The following ZBTB7C variants were observed in gnomAD, a reference collection of about 807,000 sequenced individuals.
The protein encoded by ZBTB7C is zinc finger and BTB domain-containing protein 7C.
In ZBTB7C, 8 loss-of-function variants were observed where a neutral mutation model predicts 25.7. The ratio of observed to expected loss-of-function variants is 0.31; its 90% CI spans 0.18 to 0.56. The LOEUF is 0.56. ZBTB7C is among the 20% of genes least tolerant of loss of function. ZBTB7C has a pLI of 0.91. For missense variants in ZBTB7C, 824 were observed against 855.2 expected, an observed-to-expected ratio of 0.96 and a Z score of 0.46; for synonymous variants, 394 against 369.0, an observed-to-expected ratio of 1.07 and a Z score of -0.78.
chr18:48,159,270 G>A (rs929149584), intron 3 of ZBTB7C, among the ~76,000 whole-genome samples: 27 of 151,988 alleles, frequency 1.8e-4, no homozygotes, highest in Admixed American at 5.9e-4. Context: ...GCTCTAGTGT[G>A]AATCCCGGTG....
intron 1 of ZBTB7C, among the ~76,000 whole-genome samples, chr18:48,369,552 AG>A (rs1467196036): frequency 6.6e-6 from 1 of 152,158 alleles, no homozygotes; most frequent in Non-Finnish European, 1.5e-5. Context: ...AAAAGGATGA[AG>A]AAAAAGATAT....
At chr18:48,101,405 A>G (rs972713440) in intron 3 of ZBTB7C, among the ~76,000 whole-genome samples, 2 of 152,250 alleles carry the variant, frequency 1.3e-5, no homozygotes, top group Admixed American at 6.5e-5. Context: ...TGTTTAAATC[A>G]GTATTCCAAA....
rs958692081 is a variant in ZBTB7C at position 48,137,156 on chromosome 18, G to A, written c.-17+48778C>T. On this transcript the variant is annotated intron_variant, in intron 3 of 4. Coordinates refer to ENST00000590800, the MANE Select transcript of ZBTB7C (RefSeq NM_001318841.2). ...CATTGATTCGTGCTGGGCGAGTTAA[G>A]CCATTCCAGGAGTGGTTTTGAGAGA... 27 of 985,348 alleles carry A rather than the reference G, an allele frequency of 2.7e-5. No individual in the cohort carries two copies. The African/African-American group carries it at 4.4e-4, about 16-fold the overall frequency. The allele number at this position is 985,348 out of a possible 1,614,324, so 61.0% of individuals were successfully genotyped here. A position where few individuals can be genotyped will look rare whatever the true frequency, so the allele number is the denominator to read the frequency against.
At chr18:48,029,982 T>A (rs2035675885) in intron 4 of ZBTB7C, 71 bp from the exon 5 acceptor site, 2 of 1,593,634 alleles carry the variant, frequency 1.3e-6, no homozygotes, top group South Asian at 1.1e-5. Flanking sequence ...TTGCTCCCCC[T>A]TTCTCCAGAA....
intron 2 of ZBTB7C, among the ~76,000 whole-genome samples, chr18:48,204,051 G>A (rs1283746475): frequency 6.6e-6 from 1 of 152,154 alleles, no homozygotes; most frequent in Non-Finnish European, 1.5e-5. Flanking sequence ...TGCACACCTG[G>A]GAGATGGGGG....
chr18:48,270,316 G>A (rs2044442070), intron 2 of ZBTB7C, among the ~76,000 whole-genome samples: 1 of 137,582 alleles, frequency 7.3e-6, no homozygotes, highest in Admixed American at 7.7e-5. Flanking sequence ...GGAGTGCAGT[G>A]GTGCGATCTC....
chr18:48,317,996 T>C (rs543268746), intron 2 of ZBTB7C, among the ~76,000 whole-genome samples: 22 of 132,426 alleles, frequency 1.7e-4, no homozygotes, highest in African/African-American at 5.7e-4. Flanking sequence ...CCCCTGCCCA[T>C]CTCAGGGGCC....
chr18:48,285,219 T>C (rs1054399692), intron 2 of ZBTB7C, among the ~76,000 whole-genome samples: 5 of 152,244 alleles, frequency 3.3e-5, no homozygotes, highest in Non-Finnish European at 5.9e-5. Flanking sequence ...CCTGTCTGTT[T>C]ACAAAAGGTA....
intron 2 of ZBTB7C, among the ~76,000 whole-genome samples, chr18:48,305,600 G>T (rs1479380069): frequency 1.3e-5 from 2 of 152,200 alleles, no homozygotes; most frequent in Admixed American, 1.3e-4. Context: ...AGTAACATGG[G>T]AAGATGTTAG....
intron 3 of ZBTB7C, chr18:48,150,067 G>T (rs1466241241): frequency 6.6e-6 from 1 of 152,012 alleles, no homozygotes; most frequent in Non-Finnish European, 1.5e-5. Flanking sequence ...GCCTCCCAAA[G>T]TGCTGGGATT....
In ZBTB7C at chr18:48,083,819, C is replaced by A. The variant is rs1195428696; in HGVS notation, c.-16-42696G>T. ...CTTCTGATTATGAGGTTATAAAGGG[C>A]CTTATTTTAGCAACCCATATTAGGA... On this transcript the variant is annotated intron_variant, in intron 3 of 4. Coordinates refer to ENST00000590800, the MANE Select transcript of ZBTB7C (RefSeq NM_001318841.2). 7 of 985,086 alleles carry A rather than the reference C, an allele frequency of 7.1e-6. No homozygotes were observed. The African/African-American group carries it at 1.2e-4, about 17-fold the overall frequency. 61.0% of individuals were successfully genotyped at this position (985,086 alleles called of 1,614,324 possible).
chr18:48,405,085 T>C (rs776833711), intron 1 of ZBTB7C, among the ~76,000 whole-genome samples: 63 of 152,248 alleles, frequency 4.1e-4, no homozygotes, highest in Non-Finnish European at 3.1e-4. Context: ...GCTCAGTGCC[T>C]TGCCAGCTTC....
chr18:48,135,806 A>G (rs1374240484), intron 3 of ZBTB7C, among the ~76,000 whole-genome samples: 2 of 152,230 alleles, frequency 1.3e-5, no homozygotes, highest in East Asian at 3.8e-4. Flanking sequence ...GATTGTTTCA[A>G]TCACTTCCTT....
chr18:48,261,484 G>A (rs1207077522), intron 2 of ZBTB7C, among the ~76,000 whole-genome samples: 2 of 152,148 alleles, frequency 1.3e-5, no homozygotes, highest in East Asian at 1.9e-4. Flanking sequence ...TGGCGCTGCC[G>A]GAACTATGTG....
rs757274783 is a variant in ZBTB7C, at chr18:48,130,519, G to A, written c.-17+55415C>T. On this transcript the variant is annotated intron_variant, in intron 3 of 4. Transcript: ENST00000590800. ...CTGTCTTACCAAGTAACGGCCATTTGTATGACTCTGCTAATCCTCCTCCGA... is the reference window on the plus strand; with the variant it reads ...CTGTCTTACCAAGTAACGGCCATTTATATGACTCTGCTAATCCTCCTCCGA... Among the ~76,000 whole-genome samples the A allele has an allele frequency of 2.0e-5, 3 of 152,118 alleles. No individual in the cohort carries two copies. The East Asian group carries it at 5.8e-4, about 29-fold the overall frequency.
At chr18:48,358,117 G>A (rs1313550680) in intron 1 of ZBTB7C, among the ~76,000 whole-genome samples, 1 of 152,166 alleles carries the variant, frequency 6.6e-6, no homozygotes, top group African/African-American at 2.4e-5. Context: ...TTGGGAGGCC[G>A]AGGCGGGTGG....
chr18:48,342,845 G>C (rs956255511), intron 1 of ZBTB7C, among the ~76,000 whole-genome samples: 8 of 152,140 alleles, frequency 5.3e-5, no homozygotes, highest in Middle Eastern at 3.4e-3. Context: ...AAGTGTTGCC[G>C]GACACACTTC....
intron 2 of ZBTB7C, among the ~76,000 whole-genome samples, chr18:48,285,553 T>G (rs1264285003): frequency 6.6e-6 from 1 of 152,226 alleles, no homozygotes; most frequent in African/African-American, 2.4e-5. Flanking sequence ...GGTCTCCCTA[T>G]GTTGATCAGG....
chr18:48,156,244 A>G (rs946985570), intron 3 of ZBTB7C, among the ~76,000 whole-genome samples: 1 of 152,220 alleles, frequency 6.6e-6, no homozygotes, highest in African/African-American at 2.4e-5. Context: ...TGCCAAGAAG[A>G]CCTGCCCACG....
Sources: gnomAD v4.1 joint callset for allele counts (sites outside exome capture counted in the v4.1 genomes callset) on GRCh38, gnomAD v4.1.1 for gene constraint, MANE v1.5 for transcripts, NCBI Gene and HGNC (gene_info 2026-07-23, HGNC 2026-07-21) for gene names.